The following ZDHHC15 variants were observed in gnomAD, a reference collection of about 807,000 sequenced individuals.
ZDHHC15 encodes zDHHC palmitoyltransferase 15.
In ZDHHC15, 19 loss-of-function variants were observed where a neutral mutation model predicts 31.7. The observed-to-expected ratio is 0.60, with a 90% CI of 0.42 to 0.88. The LOEUF (loss-of-function observed/expected upper bound fraction) is 0.88, where lower values mean the gene tolerates loss of function less well. ZDHHC15 is among the 40% of genes least tolerant of loss of function. The pLI, the probability that ZDHHC15 is intolerant of heterozygous loss-of-function variation, is 0.00. For missense variants in ZDHHC15, 209 were observed against 251.2 expected (o/e 0.83, Z 1.14); for synonymous variants, 103 against 90.0 (o/e 1.14, Z -0.82).
rs773101801 is a variant in ZDHHC15 at position 75,522,992 on chromosome X, C to T, written c.33G>A (p.Gly11=). The change falls in exon 1 of 12, where the codon GGG becomes GGA. Residue 11 remains glycine, a synonymous_variant. Transcript: ENST00000373367. ...GTACCCGGCGGCAGCACCGCAGCCC[C>T]CCAGACAGAGCCATCTTCCAGCCTC... The part of the protein sequence containing the change: MRRGWKMALS[G]GLRCCRRVLS... 8.3e-7 allele frequency: 1 copy of T among 1,211,268 alleles called. No individual in the cohort carries two copies. Among genetic ancestry groups the T allele is most frequent in the African/African-American group, 1.7e-5 (1 of 57,827 alleles).
rs752765764 is a variant in ZDHHC15, at chrX:75,450,744, T to G, written c.379+58A>C. On this transcript the variant is annotated intron_variant, in intron 4 of 11. Transcript: ENST00000373367. ...GGGCTAGTTTGAGAACATATATGACTTAGCCTTTCTGAGATACTTGCTGAG... is the reference window on the plus strand; with the variant it reads ...GGGCTAGTTTGAGAACATATATGACGTAGCCTTTCTGAGATACTTGCTGAG... The G allele has an allele frequency of 8.3e-6, 10 of 1,207,752 alleles. No homozygotes were observed. The East Asian group carries it at 2.7e-4, about 32-fold the overall frequency.
intron 2 of ZDHHC15, among the ~76,000 whole-genome samples, chrX:75,504,549 C>T (rs1441539393): frequency 9.0e-6 from 1 of 110,782 alleles, no homozygotes; most frequent in Non-Finnish European, 1.9e-5. Flanking sequence ...CTACTAAATT[C>T]CTAAGCTCCA....
chrX:75,496,302 G>A (rs1371611713), intron 2 of ZDHHC15, among the ~76,000 whole-genome samples: 2 of 111,249 alleles, frequency 1.8e-5, no homozygotes, highest in Non-Finnish European at 3.8e-5. Context: ...ATAGGAAAAT[G>A]TAGCAATCCT....
At chrX:75,489,424 G>T (rs1009824663) in intron 2 of ZDHHC15, among the ~76,000 whole-genome samples, 1 of 111,703 alleles carries the variant, frequency 9.0e-6, no homozygotes, top group African/African-American at 3.3e-5. Flanking sequence ...AGCAACATTT[G>T]CTGCTCACCA....
chrX:75,472,741 T>A (rs1483867858), intron 3 of ZDHHC15, among the ~76,000 whole-genome samples: 1 of 111,977 alleles, frequency 8.9e-6, no homozygotes, highest in Admixed American at 9.4e-5. Flanking sequence ...ACAAAGTGGC[T>A]GTGGTGGCAA....
intron 10 of ZDHHC15, among the ~76,000 whole-genome samples, chrX:75,406,855 C>T (rs1465805394): frequency 8.9e-6 from 1 of 111,820 alleles, no homozygotes; most frequent in African/African-American, 3.2e-5. Context: ...ACCCTGATAC[C>T]CAAACCAAAC....
intron 1 of ZDHHC15, among the ~76,000 whole-genome samples, chrX:75,513,270 T>C (rs1246620263): frequency 2.7e-5 from 3 of 111,908 alleles, no homozygotes; most frequent in Non-Finnish European, 5.6e-5. Context: ...ACCTTTCAAG[T>C]AGAATTATAT....
chrX:75,461,100 C>G (rs1312769696), intron 3 of ZDHHC15, among the ~76,000 whole-genome samples: 1 of 111,975 alleles, frequency 8.9e-6, no homozygotes, highest in African/African-American at 3.3e-5. Flanking sequence ...ATATAACCGA[C>G]ATGACGGAGC....
At chrX:75,436,920 C>T (rs1162527995) in intron 4 of ZDHHC15, among the ~76,000 whole-genome samples, 5 of 112,226 alleles carry the variant, frequency 4.5e-5, no homozygotes, top group Admixed American at 2.8e-4. Context: ...CTCGCTCTGT[C>T]GCCCAGGCTG....
chrX:75,387,542 G>C (rs143433539), intron 10 of ZDHHC15, among the ~76,000 whole-genome samples: 1,633 of 111,516 alleles, frequency 0.015, 16 homozygotes, highest in Middle Eastern at 0.042. Context: ...AAAATCATTA[G>C]AGGCTCTCAA....
At chrX:75,379,055 C>T in intron 11 of ZDHHC15, 65 bp downstream of exon 11, 2 of 914,385 alleles carry the variant, frequency 2.2e-6, no homozygotes, top group South Asian at 2.2e-5. Context: ...TTTTCTAGTT[C>T]TTCTCCCAAG....
intron 4 of ZDHHC15, among the ~76,000 whole-genome samples, chrX:75,444,667 T>C (rs1356420738): frequency 1.3e-5 from 1 of 79,459 alleles, no homozygotes; most frequent in Non-Finnish European, 2.3e-5. Context: ...TATATATATA[T>C]ATATATATAT....
chrX:75,413,168 T>C (rs1226715806), intron 10 of ZDHHC15, among the ~76,000 whole-genome samples: 1 of 112,409 alleles, frequency 8.9e-6, no homozygotes, highest in Non-Finnish European at 1.9e-5. Flanking sequence ...GTTGTACATC[T>C]TAAATTTTTA....
At chrX:75,404,535 GA>G (rs1237908621) in intron 10 of ZDHHC15, among the ~76,000 whole-genome samples, 9 of 111,314 alleles carry the variant, frequency 8.1e-5, no homozygotes, top group Non-Finnish European at 1.7e-4. Context: ...TTACAAGAGA[GA>G]AACAAACAAC....
intron 8 of ZDHHC15, among the ~76,000 whole-genome samples, chrX:75,422,632 T>C (rs967897074): frequency 1.3e-4 from 14 of 111,032 alleles, no homozygotes; most frequent in African/African-American, 3.9e-4. Context: ...GGACTCTAGC[T>C]GCATCTGACT....
At position 75,369,726 on chromosome X, in the gene ZDHHC15, G is replaced by T. The variant is rs5938047; in HGVS notation, c.*3252C>A. 9 of 111,575 alleles carry T rather than the reference G, an allele frequency of 8.1e-5. No homozygotes were observed. Among genetic ancestry groups the T allele is most frequent in the African/African-American group, 2.6e-4 (8 of 30,563 alleles). The allele number at this position is 111,575 out of a possible 1,213,427, so 9.2% of individuals were successfully genotyped here. A position where few individuals can be genotyped will look rare whatever the true frequency, so the allele number is the denominator to read the frequency against. On this transcript the variant is annotated 3_prime_UTR_variant, in exon 12 of 12. Transcript: ENST00000373367. ...ATATTGCATTCTTATCACATAGAAA[G>T]TAAGAGTTGTACAAATTGCATACTT...
In ZDHHC15 at chrX:75,468,486, G is replaced by C. The variant is rs150617676; in HGVS notation, c.258+10405C>G. Among the ~76,000 whole-genome samples the C allele has an allele frequency of 4.4e-3, 488 of 112,063 alleles. 2 individuals carry two copies. The highest frequency in any genetic ancestry group is 0.015 in the African/African-American group (468 of 30,889). On this transcript the variant is annotated intron_variant, in intron 3 of 11. Coordinates refer to ENST00000373367, the MANE Select transcript of ZDHHC15 (RefSeq NM_144969.3). ...TTATTCACTGATGAAAATTTGGACTGTTTCTACCTTTTGGCTATAGTGAAT... is the reference window on the plus strand; with the variant it reads ...TTATTCACTGATGAAAATTTGGACTCTTTCTACCTTTTGGCTATAGTGAAT...
chrX:75,389,541 G>A (rs2147774578), intron 10 of ZDHHC15, among the ~76,000 whole-genome samples: 2 of 109,834 alleles, frequency 1.8e-5, no homozygotes, highest in South Asian at 4.1e-4. Context: ...TAGGGTACCA[G>A]GAAGAGTCCT....
chrX:75,476,970 A>C (rs1398440094), intron 3 of ZDHHC15, among the ~76,000 whole-genome samples: 1 of 111,166 alleles, frequency 9.0e-6, no homozygotes, highest in Non-Finnish European at 1.9e-5. Flanking sequence ...ATGAAAAGTC[A>C]GACTATTTTG....
Sources: allele counts gnomAD v4.1 joint callset (sites outside exome capture counted in the v4.1 genomes callset), GRCh38; gene constraint gnomAD v4.1.1; transcripts MANE v1.5; gene names NCBI Gene and HGNC (gene_info 2026-07-23, HGNC 2026-07-21).